The following THEM4 variants were observed in gnomAD, a reference collection of about 807,000 sequenced individuals.
The protein encoded by THEM4 is thioesterase superfamily member 4.
THEM4 carries 22 observed loss-of-function variants against 25.0 expected under a neutral mutation model. The ratio of observed to expected loss-of-function variants is 0.88; its 90% CI spans 0.63 to 1.26. THEM4 has a LOEUF of 1.26. Ranked by LOEUF, THEM4 falls within the 50% of genes most tolerant of loss-of-function variation. The pLI is 0.00. For missense variants in THEM4, 286 were observed against 300.3 expected, an observed-to-expected ratio of 0.95 and a Z score of 0.35; for synonymous variants, 113 against 105.6, an observed-to-expected ratio of 1.07 and a Z score of -0.43.
At chr1:151,901,105 G>A (rs1292380530) in intron 1 of THEM4, among the ~76,000 whole-genome samples, 1 of 152,210 alleles carries the variant, frequency 6.6e-6, no homozygotes, top group African/African-American at 2.4e-5. Context: ...GTTTATCACT[G>A]GCTTGCTGTC....
At chr1:151,903,352 T>C (rs1048010878) in intron 1 of THEM4, among the ~76,000 whole-genome samples, 1 of 152,222 alleles carries the variant, frequency 6.6e-6, no homozygotes, top group Non-Finnish European at 1.5e-5. Flanking sequence ...AATCCCACAA[T>C]TTTGCTTTCT....
rs146012344 is a variant in THEM4, at chr1:151,877,005, C to T, written c.678G>A (p.Ala226=). 3.5e-5 allele frequency: 56 copies of T among 1,604,448 alleles called. No homozygotes were observed. In the African/African-American group the frequency reaches 5.4e-4, roughly 15 times the overall value. The part of the protein sequence containing the change: ...SVDEKTLYSE[A]TSLFIKLNPA... ...GAGATAAGACCAGCTTCTTACTTGT[C>T]GCCTCTGAGTATAGGGTCTTCTCAT... is the stretch of plus-strand genomic sequence containing the variant. The change falls in exon 5 of 6, where the codon GCG becomes GCA. Residue 226 remains alanine (A), a synonymous_variant. Transcript: ENST00000368814.
chr1:151,889,365 G>T lies in THEM4; in HGVS notation c.295C>A (p.Leu99Ile). ...DFKTHFLDPK[L>I]MKEEQMSQAQ... is the part of the protein sequence containing the mutation. The stretch of plus-strand genomic sequence containing the variant: ...TGTGACATTTGTTCTTCTTTCATAA[G>T]CTTTGGGTCTATAGAAAATGAGGTG... Residue 99 changes from leucine to isoleucine, a missense_variant, in exon 3 of 6, where the codon CTT becomes ATT. Physicochemically the swap from Leu to Ile is conservative, Grantham distance 5 (BLOSUM62 2). Coordinates refer to ENST00000368814, the MANE Select transcript of THEM4 (RefSeq NM_053055.5). 6.2e-7 allele frequency: 1 copy of T among 1,613,128 alleles called. No homozygotes were observed. Among genetic ancestry groups the T allele is most frequent in the Non-Finnish European group, 8.5e-7 (1 of 1,179,582 alleles).
rs1346312139 is a variant in THEM4, at chr1:151,873,862, T to C, written c.*1026A>G. 1 of 152,210 alleles carries C rather than the reference T, an allele frequency of 6.6e-6. No individual in the cohort carries two copies. The highest frequency in any genetic ancestry group is 2.4e-5 in the African/African-American group (1 of 41,454). The allele number at this position is 152,210 out of a possible 1,614,324, so 9.4% of individuals were successfully genotyped here. ...GCGTGGACAGCTCCTTCCCTAGCACTTTCAGGAGAATGGCCTTGGTCAACA... is the reference window on the plus strand; with the variant it reads ...GCGTGGACAGCTCCTTCCCTAGCACCTTCAGGAGAATGGCCTTGGTCAACA... On this transcript the variant is annotated 3_prime_UTR_variant, in exon 6 of 6. Transcript: ENST00000368814.
intron 1 of THEM4, among the ~76,000 whole-genome samples, chr1:151,904,679 G>A (rs1352623672): frequency 6.6e-6 from 1 of 152,220 alleles, no homozygotes; most frequent in East Asian, 1.9e-4. Context: ...ATCTGAACTA[G>A]GTACTGAGTA....
intron 1 of THEM4, among the ~76,000 whole-genome samples, chr1:151,900,438 C>G (rs1469759828): frequency 6.6e-6 from 1 of 152,102 alleles, no homozygotes; most frequent in Admixed American, 6.6e-5. Context: ...CTTCAAGAGA[C>G]TCACCTAGCA....
chr1:151,886,591 A>G (rs1653976171), intron 4 of THEM4, among the ~76,000 whole-genome samples: 1 of 152,194 alleles, frequency 6.6e-6, no homozygotes, highest in South Asian at 2.1e-4. Flanking sequence ...ATTTATAGTT[A>G]TAACTAATAT....
chr1:151,872,113 GAGA>G lies in THEM4; in HGVS notation c.*2772_*2774del. ...TCCCAGGCTCTCTCAGAATTTCTGG[GAGA>G]AGGAACTGCCAGCTTCACCCCTGCA... On this transcript the variant is annotated 3_prime_UTR_variant, in exon 6 of 6. Transcript: ENST00000368814. Among the ~76,000 whole-genome samples the G allele has an allele frequency of 6.6e-6, 1 of 152,258 alleles. No individual in the cohort carries two copies. The highest frequency in any genetic ancestry group is 2.4e-5 in the African/African-American group (1 of 41,530).
chr1:151,893,665 G>A (rs1458502458), intron 2 of THEM4, among the ~76,000 whole-genome samples: 3 of 152,088 alleles, frequency 2.0e-5, no homozygotes, highest in East Asian at 1.9e-4. Context: ...GAGACTGGGA[G>A]TTCTCTTCTG....
chr1:151,907,334 G>A (rs1654493204), intron 1 of THEM4, among the ~76,000 whole-genome samples: 1 of 152,176 alleles, frequency 6.6e-6, no homozygotes, highest in Non-Finnish European at 1.5e-5. Context: ...GAGGGTCCGT[G>A]GCTTCTTTCT....
intron 2 of THEM4, chr1:151,890,095 G>A (rs1013865366): frequency 2.1e-5 from 8 of 379,118 alleles, no homozygotes; most frequent in South Asian, 1.5e-4. Context: ...TAGTAGAGAC[G>A]GGGTTTCTCC....
At chr1:151,904,907 G>A in intron 1 of THEM4, among the ~76,000 whole-genome samples, 1 of 152,178 alleles carries the variant, frequency 6.6e-6, no homozygotes. Context: ...TAGTTTGGCA[G>A]GGGTTGAATT....
At position 151,877,037 on chromosome 1, in the gene THEM4, T is replaced by C. The variant is rs766500471; in HGVS notation, c.646A>G (p.Ser216Gly). The change falls in exon 5 of 6, where the codon AGT (serine) becomes GGT (glycine). Residue 216 changes from serine to glycine, a missense_variant. By Grantham distance (56) the Ser-to-Gly change is moderately conservative. Coordinates refer to ENST00000368814, the MANE Select transcript of THEM4 (RefSeq NM_053055.5). ...RKFFVSCNVQ[S>G]VDEKTLYSEA... ...GAGTATAGGGTCTTCTCATCAACAC[T>C]CTGAACATTACAGGAAACAAAAAAT... 3 of 1,613,474 alleles carry C rather than the reference T, an allele frequency of 1.9e-6. No individual in the cohort carries two copies. In the Admixed American group the frequency reaches 5.0e-5, roughly 27 times the overall value.
Position 151,893,384 on chromosome 1 carries a change from A to AC in THEM4, c.286+1623_286+1624insG, listed in dbSNP as rs1302838881. 2.9e-4 allele frequency among the ~76,000 whole-genome samples: 41 copies of AC among 141,602 alleles called. 2 individuals carry two copies. The highest frequency in any genetic ancestry group is 2.3e-3 in the East Asian group (11 of 4,854). The allele number at this position is 141,602 out of a possible 152,430, so 92.9% of individuals were successfully genotyped here. A position where few individuals can be genotyped will look rare whatever the true frequency, so the allele number is the denominator to read the frequency against. ...GAGACTCATTCTCAAAACCAAAAAC[A>AC]AAAAAAACAAAAAAACAACAAAACA... On this transcript the variant is annotated intron_variant, in intron 2 of 5. Coordinates refer to ENST00000368814, the MANE Select transcript of THEM4 (RefSeq NM_053055.5).
intron 1 of THEM4, among the ~76,000 whole-genome samples, chr1:151,898,198 T>C: frequency 6.6e-6 from 1 of 152,154 alleles, no homozygotes; most frequent in East Asian, 1.9e-4. Context: ...AGACAAGTTT[T>C]CAAGCCCGTC....
intron 1 of THEM4, among the ~76,000 whole-genome samples, chr1:151,896,749 G>A (rs962943758): frequency 7.9e-5 from 12 of 152,142 alleles, no homozygotes; most frequent in Admixed American, 1.3e-4. Context: ...TGAAATCAGA[G>A]GGCCCTATTT....
chr1:151,872,888 G>A lies in THEM4; in HGVS notation c.*2000C>T, dbSNP rs746095475. Among the ~76,000 whole-genome samples, 1 of 152,120 alleles carries A rather than the reference G, an allele frequency of 6.6e-6. No individual in the cohort carries two copies. Among genetic ancestry groups the A allele is most frequent in the African/African-American group, 2.4e-5 (1 of 41,428 alleles). ...AGCCTGAGATATGGCCTCCCGGGAA[G>A]GGAAAGACCTGACCATCCCCCAGCC... is the stretch of plus-strand genomic sequence containing the variant. On this transcript the variant is annotated 3_prime_UTR_variant, in exon 6 of 6. Coordinates refer to ENST00000368814, the MANE Select transcript of THEM4 (RefSeq NM_053055.5).
intron 1 of THEM4, among the ~76,000 whole-genome samples, chr1:151,907,200 G>T (rs61817695): frequency 0.23 from 34,391 of 151,828 alleles, 5,114 homozygotes; most frequent in South Asian, 0.54. Context: ...ACGAAGGTCC[G>T]CAATTTCACT....
intron 1 of THEM4, among the ~76,000 whole-genome samples, chr1:151,906,744 G>A (rs573610331): frequency 9.2e-4 from 140 of 152,202 alleles, no homozygotes; most frequent in African/African-American, 3.3e-3. Context: ...TGCACCAATC[G>A]ACACTCTGTA....
Sources: gnomAD v4.1 joint callset for allele counts (sites outside exome capture counted in the v4.1 genomes callset) on GRCh38, gnomAD v4.1.1 for gene constraint, MANE v1.5 for transcripts, NCBI Gene and HGNC (gene_info 2026-07-23, HGNC 2026-07-21) for gene names.